TRPM6: variants seen among roughly 807,000 people sequenced by gnomAD.
The protein encoded by TRPM6 is transient receptor potential cation channel subfamily M member 6, also known as channel kinase 2.
TRPM6 carries 111 observed loss-of-function variants against 247.6 expected under a neutral mutation model. That is an observed-to-expected ratio of 0.45 (90% CI 0.38 to 0.52). The LOEUF is 0.52. Among genes scored for constraint, TRPM6 ranks in the 20% least tolerant of loss-of-function variants. The probability of loss-of-function intolerance (pLI) is 0.00; values close to 1 mark genes in which losing one functional copy is unlikely to be tolerated. For synonymous variants in TRPM6, 892 were observed against 853.8 expected (o/e 1.04, Z -0.78); for missense variants, 2,126 against 2,421.5 (o/e 0.88, Z 2.56).
At position 74,810,803 on chromosome 9, in the gene TRPM6, TA is replaced by T. The variant is rs763377848; in HGVS notation, c.1497+11del. On this transcript the variant is annotated intron_variant, in intron 13 of 38. Transcript: ENST00000360774. ...ACACAAAGACATGTTCACGCCTTCT[TA>T]ATTAGGTTACCTGTTTCACATCTTG... 1.2e-6 allele frequency: 2 copies of T among 1,612,796 alleles called. No individual in the cohort carries two copies. The highest frequency in any genetic ancestry group is 4.5e-5 in the East Asian group (2 of 44,834).
intron 30 of TRPM6, among the ~76,000 whole-genome samples, chr9:74,748,839 T>C (rs1412602110): frequency 2.0e-5 from 3 of 152,186 alleles, no homozygotes; most frequent in Non-Finnish European, 4.4e-5. Flanking sequence ...GTAGCCTAAG[T>C]GTACACATAA....
chr9:74,856,558 G>A (rs779531582), intron 2 of TRPM6, among the ~76,000 whole-genome samples: 13 of 151,616 alleles, frequency 8.6e-5, no homozygotes, highest in South Asian at 2.1e-4. Flanking sequence ...AATAAGGGCC[G>A]CTCTAAGTTA....
chr9:74,879,309 G>A (rs1441919793), intron 1 of TRPM6, among the ~76,000 whole-genome samples: 1 of 149,794 alleles, frequency 6.7e-6, no homozygotes, highest in African/African-American at 2.4e-5. Flanking sequence ...ATTTGTATAT[G>A]ATTTATATAT....
At chr9:74,739,515 C>T in intron 34 of TRPM6, 66 bp from the exon 35 acceptor site, 1 of 1,550,532 alleles carries the variant, frequency 6.4e-7, no homozygotes, top group South Asian at 1.1e-5. Context: ...CATGAAATTA[C>T]TATAGGCTAC....
chr9:74,849,423 G>A (rs1024720742), intron 3 of TRPM6, among the ~76,000 whole-genome samples: 13 of 150,838 alleles, frequency 8.6e-5, no homozygotes, highest in Non-Finnish European at 1.6e-4. Flanking sequence ...TAGAAATGAT[G>A]TCCTTAGAAG....
intron 2 of TRPM6, among the ~76,000 whole-genome samples, chr9:74,858,065 A>G (rs1020370136): frequency 6.6e-6 from 1 of 152,254 alleles, no homozygotes; most frequent in Non-Finnish European, 1.5e-5. Context: ...GACGGCATTA[A>G]GAATAACTTC....
intron 1 of TRPM6, among the ~76,000 whole-genome samples, chr9:74,875,049 G>A (rs1176283300): frequency 1.3e-5 from 2 of 151,760 alleles, no homozygotes; most frequent in African/African-American, 2.4e-5. Context: ...ACAGGCATAA[G>A]CCACCATGCC....
Position 74,858,722 on chromosome 9 carries a change from T to C in TRPM6, c.60A>G (p.Val20=), listed in dbSNP as rs1830604366. 6.2e-7 allele frequency: 1 copy of C among 1,613,524 alleles called. No individual in the cohort carries two copies. Among genetic ancestry groups the C allele is most frequent in the African/African-American group, 1.3e-5 (1 of 74,918 alleles). The stretch of plus-strand genomic sequence containing the variant: ...TTGTGCTACATTCTCTCTTGTCAAA[T>C]ACTCCTTTAATCCAGGATTTCTGGG... ...LQSQKSWIKG[V]FDKRECSTII... The change falls in exon 2 of 39, where the codon GTA becomes GTG. Residue 20 remains valine (V), a synonymous_variant. Coordinates refer to ENST00000360774, the MANE Select transcript of TRPM6 (RefSeq NM_017662.5).
chr9:74,819,426 T>C (rs1564029393), intron 9 of TRPM6, among the ~76,000 whole-genome samples: 1 of 152,168 alleles, frequency 6.6e-6, no homozygotes, highest in Non-Finnish European at 1.5e-5. Flanking sequence ...AGAGGATCAC[T>C]TGAGCCCAGA....
chr9:74,844,772 T>A (rs1830055363), intron 3 of TRPM6, among the ~76,000 whole-genome samples: 1 of 152,216 alleles, frequency 6.6e-6, no homozygotes, highest in Admixed American at 6.5e-5. Context: ...CTTGGCTAAC[T>A]GTTTGGCACA....
At chr9:74,863,422 T>C (rs1373446465) in intron 1 of TRPM6, among the ~76,000 whole-genome samples, 2 of 152,160 alleles carry the variant, frequency 1.3e-5, no homozygotes, top group African/African-American at 4.8e-5. Context: ...CTTATGGCAC[T>C]CAAAAAGTTT....
chr9:74,767,912 G>A (rs1826882531), intron 25 of TRPM6, among the ~76,000 whole-genome samples: 1 of 151,934 alleles, frequency 6.6e-6, no homozygotes, highest in South Asian at 2.1e-4. Context: ...GGATTTCAAG[G>A]GTGCATGAGC....
chr9:74,738,403 T>C lies in TRPM6; in HGVS notation c.5776+4A>G, dbSNP rs769329463. ...GTTGTATCAAATCCTACATCATCAA[T>C]CACCTTGCAAATCTAAAACCAGCAG... On this transcript the variant is annotated splice_donor_region_variant and intron_variant, in intron 36 of 38. Transcript: ENST00000360774. 6 of 1,613,702 alleles carry C rather than the reference T, an allele frequency of 3.7e-6. No homozygotes were observed. Among genetic ancestry groups the C allele is most frequent in the South Asian group, 1.1e-5 (1 of 91,056 alleles).
At position 74,775,848 on chromosome 9, in the gene TRPM6, G is replaced by A. The variant is rs372715065; in HGVS notation, c.3403+35C>T. The A allele has an allele frequency of 4.9e-5, 79 of 1,606,876 alleles. No individual in the cohort carries two copies. The African/African-American group carries it at 9.6e-4, about 20-fold the overall frequency. ...ATCTTTGCCTTGAATCCTACTTTTT[G>A]CTCTCTTTCTCCTGCCTCACATAGA... On this transcript the variant is annotated intron_variant, in intron 24 of 38. Coordinates refer to ENST00000360774, the MANE Select transcript of TRPM6 (RefSeq NM_017662.5).
At chr9:74,787,229 G>A (rs10869443) in intron 20 of TRPM6, among the ~76,000 whole-genome samples, 60,700 of 151,612 alleles carry the variant, frequency 0.4, 12,500 homozygotes, top group Admixed American at 0.53. Context: ...CAGCTACTCC[G>A]GAGGCTAAGG....
chr9:74,797,579 CTGAAGT>C (rs1828143798), intron 17 of TRPM6, among the ~76,000 whole-genome samples: 1 of 151,544 alleles, frequency 6.6e-6, no homozygotes, highest in Non-Finnish European at 1.5e-5. Context: ...TATTTTTTAT[CTGAAGT>C]TGATTAAATC....
At chr9:74,845,262 A>C (rs1830072597) in intron 3 of TRPM6, among the ~76,000 whole-genome samples, 1 of 152,214 alleles carries the variant, frequency 6.6e-6, no homozygotes, top group African/African-American at 2.4e-5. Context: ...CCACATTATA[A>C]AAAATGCAAT....
In TRPM6 at chr9:74,784,206, T is replaced by C. The variant is rs528896967; in HGVS notation, c.2920-1353A>G. On this transcript the variant is annotated intron_variant, in intron 21 of 38. Coordinates refer to ENST00000360774, the MANE Select transcript of TRPM6 (RefSeq NM_017662.5). ...TGAACGCAGGAAGTGGAGGTTGCAG[T>C]GAGCAGAGATTGCGCCACTGCACTC... is the stretch of plus-strand genomic sequence containing the variant. 1.4e-4 allele frequency among the ~76,000 whole-genome samples: 21 copies of C among 145,734 alleles called. No homozygotes were observed. The South Asian group carries it at 3.0e-3, about 21-fold the overall frequency.
intron 1 of TRPM6, among the ~76,000 whole-genome samples, chr9:74,871,332 C>T (rs923895827): frequency 6.6e-6 from 1 of 152,156 alleles, no homozygotes; most frequent in African/African-American, 2.4e-5. Flanking sequence ...TTGTGCATTC[C>T]TCTAAAGATA....
Sources: gnomAD v4.1 joint callset for allele counts (sites outside exome capture counted in the v4.1 genomes callset) on GRCh38, gnomAD v4.1.1 for gene constraint, MANE v1.5 for transcripts, NCBI Gene and HGNC (gene_info 2026-07-23, HGNC 2026-07-21) for gene names.